IHO1: variants seen among roughly 807,000 people sequenced by gnomAD.
IHO1 encodes the protein interactor of HORMAD1 protein 1.
A neutral mutation model predicts 31.0 loss-of-function variants in IHO1; 13 were observed. The observed-to-expected ratio is 0.42, with a 90% CI of 0.27 to 0.67. The LOEUF (loss-of-function observed/expected upper bound fraction) is 0.67, where lower values mean the gene tolerates loss of function less well. IHO1 is among the 30% of genes least tolerant of loss of function. The pLI is 0.24. For missense variants in IHO1, 599 were observed against 687.5 expected, an observed-to-expected ratio of 0.87 and a Z score of 1.44; for synonymous variants, 221 against 248.4, an observed-to-expected ratio of 0.89 and a Z score of 1.04.
intron 2 of IHO1, among the ~76,000 whole-genome samples, chr3:49,221,076 C>T (rs1301186587): frequency 1.3e-5 from 2 of 151,924 alleles, no homozygotes; most frequent in African/African-American, 2.4e-5. Flanking sequence ...GCTGATTGGG[C>T]CATTTTACAG....
At chr3:49,250,726 A>C (rs930223707) in intron 6 of IHO1, among the ~76,000 whole-genome samples, 2 of 152,048 alleles carry the variant, frequency 1.3e-5, no homozygotes, top group African/African-American at 4.8e-5. Flanking sequence ...ATATGGGAAA[A>C]TTTGCTTTCT....
chr3:49,233,949 C>A lies in IHO1; in HGVS notation c.57-2599C>A, dbSNP rs528693857. Among the ~76,000 whole-genome samples, 153 of 152,296 alleles carry A rather than the reference C, an allele frequency of 1.0e-3. 1 individual carries two copies. The highest frequency in any genetic ancestry group is 1.8e-3 in the Non-Finnish European group (125 of 68,030). On this transcript the variant is annotated intron_variant, in intron 2 of 7. Coordinates refer to ENST00000452691, the MANE Select transcript of IHO1 (RefSeq NM_001135197.2). ...CTGCTGCAGATAACTAGCCAGAGCCCATCCATTTGTTTCGGCCCATCCCTT... is the reference window on the plus strand; with the variant it reads ...CTGCTGCAGATAACTAGCCAGAGCCAATCCATTTGTTTCGGCCCATCCCTT...
chr3:49,197,291 A>T (rs1559433186), upstream of IHO1, among the ~76,000 whole-genome samples: 2 of 142,910 alleles, frequency 1.4e-5, no homozygotes, highest in Non-Finnish European at 3.0e-5. Flanking sequence ...TGCCCAGGCC[A>T]TTTTTACTTA....
chr3:49,244,696 A>G lies in IHO1; in HGVS notation c.495A>G (p.Gln165=). The change falls in exon 6 of 8, where the codon CAA becomes CAG. Residue 165 remains glutamine, a synonymous_variant. Coordinates refer to ENST00000452691, the MANE Select transcript of IHO1 (RefSeq NM_001135197.2). ...KSEDHLSSRS[Q]SILDSLETVA... The stretch of plus-strand genomic sequence containing the variant: ...AGGACCATCTCAGTTCAAGAAGCCA[A>G]TCTATTTTGGATTCTTTGGAGACTG... 2 of 1,614,162 alleles carry G rather than the reference A, an allele frequency of 1.2e-6. No individual in the cohort carries two copies. Among genetic ancestry groups the G allele is most frequent in the Admixed American group, 1.7e-5 (1 of 60,022 alleles).
At chr3:49,251,012 A>C (rs1367107769) in intron 6 of IHO1, among the ~76,000 whole-genome samples, 1 of 151,932 alleles carries the variant, frequency 6.6e-6, no homozygotes, top group African/African-American at 2.4e-5. Flanking sequence ...CGACAGAGTA[A>C]GACTCCATCT....
chr3:49,211,453 T>G (rs1456996399), intron 1 of IHO1, among the ~76,000 whole-genome samples: 1 of 152,182 alleles, frequency 6.6e-6, no homozygotes, highest in Non-Finnish European at 1.5e-5. Flanking sequence ...ATTTATTTAC[T>G]TATTTTTTTT....
In IHO1 at chr3:49,257,114, C is replaced by T. The variant is rs1297883345; in HGVS notation, c.1617C>T (p.Cys539=). 2.5e-6 allele frequency: 4 copies of T among 1,614,160 alleles called. No homozygotes were observed. Among genetic ancestry groups the T allele is most frequent in the Non-Finnish European group, 3.4e-6 (4 of 1,180,026 alleles). The part of the protein sequence containing the change: ...VQGRLLQLSR[C]SSQDNWLLSS... ...GAAGACTCTTGCAGCTCAGCAGGTG[C>T]TCTTCCCAAGACAACTGGCTACTTT... The change falls in exon 8 of 8, where the codon TGC becomes TGT. Residue 539 remains cysteine (C), a synonymous_variant. Coordinates refer to ENST00000452691, the MANE Select transcript of IHO1 (RefSeq NM_001135197.2).
intron 6 of IHO1, among the ~76,000 whole-genome samples, chr3:49,246,844 T>C (rs1223547127): frequency 6.6e-6 from 1 of 151,746 alleles, no homozygotes; most frequent in Non-Finnish European, 1.5e-5. Context: ...CTTTTGCTTT[T>C]CTTTTTTTCT....
chr3:49,192,682 A>G, the IHO1 span, among the ~76,000 whole-genome samples: 1 of 152,156 alleles, frequency 6.6e-6, no homozygotes, highest in South Asian at 2.1e-4. Flanking sequence ...AAATCGCTTG[A>G]GCCCAGGAGT....
chr3:49,226,765 C>T (rs994556465), intron 2 of IHO1, among the ~76,000 whole-genome samples: 1 of 152,142 alleles, frequency 6.6e-6, no homozygotes, highest in Non-Finnish European at 1.5e-5. Context: ...CAAGAGAGAT[C>T]GAGGGTCTGC....
chr3:49,228,263 C>G, intron 2 of IHO1: 1 of 444,018 alleles, frequency 2.3e-6, no homozygotes, highest in South Asian at 1.6e-5. Context: ...TCTCTGTCAA[C>G]CTTTATCTCA....
chr3:49,214,607 C>CATATATATATATATATAT (rs1311032715), intron 2 of IHO1, among the ~76,000 whole-genome samples: 9 of 24,782 alleles, frequency 3.6e-4, no homozygotes, highest in Non-Finnish European at 4.7e-4. Flanking sequence ...ATTTCTAGAT[C>CATATATATATATATATAT]ATATATATAT....
At chr3:49,227,621 C>A (rs1367808642) in intron 2 of IHO1, among the ~76,000 whole-genome samples, 1 of 152,140 alleles carries the variant, frequency 6.6e-6, no homozygotes, top group East Asian at 1.9e-4. Context: ...TGAGAAAAAT[C>A]AGATTTAGTG....
At chr3:49,212,885 A>G (rs1423306129) in intron 2 of IHO1, among the ~76,000 whole-genome samples, 1 of 152,226 alleles carries the variant, frequency 6.6e-6, no homozygotes, top group Non-Finnish European at 1.5e-5. Context: ...GCTGGTTGCC[A>G]CTGCTGGCTC....
rs775754243 is a variant in IHO1, at chr3:49,256,253, T to C, written c.756T>C (p.Ser252=). The C allele has an allele frequency of 4.3e-6, 7 of 1,614,074 alleles. No homozygotes were observed. Among genetic ancestry groups the C allele is most frequent in the Non-Finnish European group, 5.9e-6 (7 of 1,180,044 alleles). ...AGCTAGGCCAGCTGAATGTGCCCAG[T>C]GTCCTAGCAGAGCTGAAGAGATTGA... ...CEQLGQLNVP[S]VLAELKRLIS... The change falls in exon 8 of 8, where the codon AGT becomes AGC. Residue 252 remains serine (S), a synonymous_variant. Coordinates refer to ENST00000452691, the MANE Select transcript of IHO1 (RefSeq NM_001135197.2). The surrounding 1 kb of genome is among the most constrained non-coding windows in gnomAD (Gnocchi z 4.6).
At chr3:49,196,082 A>C (rs1167475989), upstream of IHO1, among the ~76,000 whole-genome samples, 2 of 151,692 alleles carry the variant, frequency 1.3e-5, no homozygotes, top group South Asian at 4.2e-4. Flanking sequence ...AAAAACACAA[A>C]AAGAAATTAG....
chr3:49,240,475 C>G (rs940498237), intron 3 of IHO1, among the ~76,000 whole-genome samples: 1 of 152,158 alleles, frequency 6.6e-6, no homozygotes, highest in African/African-American at 2.4e-5. Context: ...CCGCCCGCCT[C>G]GGCCTCCCAA....
chr3:49,254,437 T>C (rs1310937232), intron 6 of IHO1, among the ~76,000 whole-genome samples: 1 of 152,026 alleles, frequency 6.6e-6, no homozygotes, highest in Non-Finnish European at 1.5e-5. Context: ...TAAATGATGG[T>C]AGGGCACATA....
At chr3:49,197,545 C>T (rs1367869194), upstream of IHO1, among the ~76,000 whole-genome samples, 4 of 151,998 alleles carry the variant, frequency 2.6e-5, no homozygotes, top group Admixed American at 6.6e-5. Flanking sequence ...TGATGCATTT[C>T]GATATATGTA....
Sources: allele counts gnomAD v4.1 joint callset (sites outside exome capture counted in the v4.1 genomes callset), GRCh38; gene constraint gnomAD v4.1.1; non-coding constraint Gnocchi (gnomAD v3.1); transcripts MANE v1.5; gene names NCBI Gene and HGNC (gene_info 2026-07-23, HGNC 2026-07-21).